The following TRPC4 variants were observed in gnomAD, a reference collection of about 807,000 sequenced individuals.
TRPC4 encodes the protein transient receptor potential cation channel subfamily C member 4.
In TRPC4, 49 loss-of-function variants were observed where a neutral mutation model predicts 99.4. The ratio of observed to expected loss-of-function variants is 0.49; its 90% CI spans 0.39 to 0.63. The LOEUF is 0.63. Among genes scored for constraint, TRPC4 ranks in the 20% least tolerant of loss-of-function variants. The pLI, the probability that TRPC4 is intolerant of heterozygous loss-of-function variation, is 0.00. For synonymous variants in TRPC4, 454 were observed against 425.9 expected, an observed-to-expected ratio of 1.07 and a Z score of -0.81; for missense variants, 898 against 1,152.9, an observed-to-expected ratio of 0.78 and a Z score of 3.20.
chr13:37,785,097 G>A (rs1034547676), intron 1 of TRPC4, among the ~76,000 whole-genome samples: 9 of 152,058 alleles, frequency 5.9e-5, no homozygotes, highest in South Asian at 2.1e-4. Context: ...AACAGGAATA[G>A]CATTTATATT....
intron 1 of TRPC4, among the ~76,000 whole-genome samples, chr13:37,822,980 G>A (rs1279768563): frequency 6.8e-6 from 1 of 147,042 alleles, no homozygotes; most frequent in Non-Finnish European, 1.5e-5. Flanking sequence ...GTGTGAGATG[G>A]TATCTCATTG....
At chr13:37,830,623 A>C (rs552255616) in intron 1 of TRPC4, among the ~76,000 whole-genome samples, 2 of 151,682 alleles carry the variant, frequency 1.3e-5, no homozygotes, top group South Asian at 4.1e-4. Flanking sequence ...GAGGCACAAG[A>C]ATCACTTGAA....
At chr13:37,702,483 A>G (rs1201232923) in intron 3 of TRPC4, among the ~76,000 whole-genome samples, 1 of 152,190 alleles carries the variant, frequency 6.6e-6, no homozygotes, top group East Asian at 1.9e-4. Context: ...AAAACCAGAT[A>G]ACTTTGTTTA....
intron 2 of TRPC4, among the ~76,000 whole-genome samples, chr13:37,766,890 A>T (rs1956388960): frequency 6.6e-6 from 1 of 151,424 alleles, no homozygotes; most frequent in Non-Finnish European, 1.5e-5. Context: ...AAATGTAAGG[A>T]GGAGAAAGTA....
chr13:37,747,340 T>G (rs1316404582), intron 2 of TRPC4, among the ~76,000 whole-genome samples: 1 of 152,172 alleles, frequency 6.6e-6, no homozygotes, highest in Non-Finnish European at 1.5e-5. Flanking sequence ...TCCACATACT[T>G]TAAAGACCTT....
intron 1 of TRPC4, among the ~76,000 whole-genome samples, chr13:37,866,993 T>A (rs932027027): frequency 2.8e-5 from 4 of 140,782 alleles, no homozygotes; most frequent in Non-Finnish European, 4.4e-5. Flanking sequence ...CTGGTTCCAA[T>A]TGAGTCTAGG....
chr13:37,741,545 C>T (rs963125956), intron 3 of TRPC4, among the ~76,000 whole-genome samples: 6 of 152,092 alleles, frequency 3.9e-5, no homozygotes, highest in African/African-American at 1.4e-4. Context: ...TGTCCCATCG[C>T]AGAATGGTAC....
chr13:37,768,371 AC>A (rs1956446245), intron 2 of TRPC4, among the ~76,000 whole-genome samples: 1 of 151,510 alleles, frequency 6.6e-6, no homozygotes, highest in African/African-American at 2.4e-5. Context: ...GAGCCATGTT[AC>A]CATGTAGCAG....
At chr13:37,688,024 A>G (rs767084619) in intron 4 of TRPC4, among the ~76,000 whole-genome samples, 1 of 152,192 alleles carries the variant, frequency 6.6e-6, no homozygotes, top group African/African-American at 2.4e-5. Context: ...CAAGCATCAT[A>G]AGTTTGGTCC....
chr13:37,791,685 G>A (rs1957124071), intron 1 of TRPC4, among the ~76,000 whole-genome samples: 1 of 152,096 alleles, frequency 6.6e-6, no homozygotes, highest in Admixed American at 6.6e-5. Flanking sequence ...TAAATCCTAT[G>A]AGGGAAACAA....
chr13:37,643,563 T>C (rs1002514379), intron 8 of TRPC4, among the ~76,000 whole-genome samples: 5 of 152,082 alleles, frequency 3.3e-5, no homozygotes, highest in African/African-American at 1.2e-4. Context: ...TTCTAGATGA[T>C]TGGAGTAGGA....
chr13:37,746,502 A>G (rs764453805), intron 2 of TRPC4, 47 bp from the exon 3 acceptor site: 1 of 1,536,662 alleles, frequency 6.5e-7, no homozygotes, highest in Non-Finnish European at 8.7e-7. Flanking sequence ...TCTTTTGTTC[A>G]AGTCTGTGAA....
chr13:37,675,325 G>A (rs1372304905), intron 4 of TRPC4, among the ~76,000 whole-genome samples: 2 of 152,266 alleles, frequency 1.3e-5, no homozygotes, highest in African/African-American at 4.8e-5. Flanking sequence ...ATATATGCAC[G>A]TTCCTCTAAA....
intron 8 of TRPC4, among the ~76,000 whole-genome samples, chr13:37,650,591 GTCTC>G (rs932732130): frequency 9.7e-5 from 10 of 102,762 alleles, no homozygotes; most frequent in Non-Finnish European, 1.4e-4. Flanking sequence ...GTCTCTCTCT[GTCTC>G]TCTCTCTCTC....
intron 5 of TRPC4, among the ~76,000 whole-genome samples, chr13:37,671,536 G>C (rs567205316): frequency 6.6e-6 from 1 of 151,246 alleles, no homozygotes; most frequent in Non-Finnish European, 1.5e-5. Context: ...GGCAAGTCTA[G>C]TAGACTCATA....
chr13:37,677,842 A>G (rs986054924), intron 4 of TRPC4, among the ~76,000 whole-genome samples: 2 of 152,156 alleles, frequency 1.3e-5, no homozygotes, highest in African/African-American at 2.4e-5. Flanking sequence ...GCTCGTGCAC[A>G]TGGAACATTC....
In TRPC4 at chr13:37,691,587, A is replaced by C. The variant is rs145318036; in HGVS notation, c.1234+412T>G. Among the ~76,000 whole-genome samples, 82 of 152,214 alleles carry C rather than the reference A, an allele frequency of 5.4e-4. No homozygotes were observed. In the East Asian group the frequency reaches 0.014, roughly 27 times the overall value. On this transcript the variant is annotated intron_variant, in intron 4 of 10. Transcript: ENST00000379705. The stretch of plus-strand genomic sequence containing the variant: ...AATTTGAATGGATTGATTTTTTCAA[A>C]AGGTTTCAGTTACTTTATGTATAGA...
At chr13:37,691,082 G>T (rs1443642381) in intron 4 of TRPC4, among the ~76,000 whole-genome samples, 1 of 151,948 alleles carries the variant, frequency 6.6e-6, no homozygotes, top group Non-Finnish European at 1.5e-5. Context: ...GGAAAACAAG[G>T]TTTTCACTAG....
rs1951436390 is a variant in TRPC4 at position 37,633,464 on chromosome 13, G to A, written c.*3439C>T. 6.6e-6 allele frequency among the ~76,000 whole-genome samples: 1 copy of A among 152,018 alleles called. No homozygotes were observed. Among genetic ancestry groups the A allele is most frequent in the Non-Finnish European group, 1.5e-5 (1 of 68,008 alleles). ...CTCTTCAATAAAGAGCTGTGAGACTGGATAGTCATTTACTCAGCTAAATCC... is the reference window on the plus strand; with the variant it reads ...CTCTTCAATAAAGAGCTGTGAGACTAGATAGTCATTTACTCAGCTAAATCC... On this transcript the variant is annotated 3_prime_UTR_variant, in exon 11 of 11. Transcript: ENST00000379705.
Sources: gnomAD v4.1 joint callset for allele counts (sites outside exome capture counted in the v4.1 genomes callset) on GRCh38, gnomAD v4.1.1 for gene constraint, MANE v1.5 for transcripts, NCBI Gene and HGNC (gene_info 2026-07-23, HGNC 2026-07-21) for gene names.